WFDC10B: variants seen among roughly 807,000 people sequenced by gnomAD.
WFDC10B encodes the protein WAP four-disulfide core domain 10B.
Under a neutral mutation model 2.7 loss-of-function variants are expected in WFDC10B, and 1 was observed. The ratio of observed to expected loss-of-function variants is 0.38; its 90% CI spans 0.13 to 1.79. WFDC10B has a LOEUF of 1.79. Ranked by LOEUF, WFDC10B falls within the 40% of genes most tolerant of loss-of-function variation. The pLI is 0.33. For synonymous variants in WFDC10B, 26 were observed against 32.2 expected (o/e 0.81, Z 0.65); for missense variants, 71 against 87.8 (o/e 0.81, Z 0.76).
intron 2 of WFDC10B, among the ~76,000 whole-genome samples, chr20:45,694,082 G>T (rs1983907519): frequency 6.6e-6 from 1 of 152,204 alleles, no homozygotes; most frequent in Non-Finnish European, 1.5e-5. Context: ...TTTGTAGGTT[G>T]TCTGTTCACT....
At chr20:45,695,160 C>T (rs1983939794) in intron 2 of WFDC10B, among the ~76,000 whole-genome samples, 3 of 152,140 alleles carry the variant, frequency 2.0e-5, no homozygotes, top group Non-Finnish European at 1.5e-5. Context: ...GCCAGTAGAT[C>T]AAAAGTGCAG....
intron 2 of WFDC10B, among the ~76,000 whole-genome samples, chr20:45,690,301 CT>C (rs1165841878): frequency 6.6e-6 from 1 of 151,454 alleles, no homozygotes; most frequent in Non-Finnish European, 1.5e-5. Flanking sequence ...CTAAAATTCT[CT>C]TTTTTGGTTG....
At chr20:45,697,508 C>T (rs140589878) in intron 2 of WFDC10B, among the ~76,000 whole-genome samples, 1,516 of 151,118 alleles carry the variant, frequency 0.01, 26 homozygotes, top group African/African-American at 0.035. Context: ...CATGCCACTA[C>T]GCCCAGCTAA....
Position 45,704,486 on chromosome 20 carries a change from A to C in WFDC10B, c.-65+11T>G, listed in dbSNP as rs777570488. On this transcript the variant is annotated intron_variant, in intron 2 of 3. Coordinates refer to ENST00000330523, the MANE Select transcript of WFDC10B (RefSeq NM_172006.2). The stretch of plus-strand genomic sequence containing the variant: ...CCACCCTGCATATCAGCACCTGAAA[A>C]CTGTACTCACCTGTGTACAATGCAG... The C allele has an allele frequency of 5.0e-6, 8 of 1,614,036 alleles. No homozygotes were observed. The South Asian group carries it at 8.8e-5, about 18-fold the overall frequency.
chr20:45,690,028 T>C (rs866411408), intron 2 of WFDC10B, among the ~76,000 whole-genome samples: 3,401 of 152,168 alleles, frequency 0.022, 130 homozygotes, highest in African/African-American at 0.079. Flanking sequence ...CAATACCTAA[T>C]TTATTGAGAG....
At chr20:45,703,844 G>T (rs903779936) in intron 2 of WFDC10B, among the ~76,000 whole-genome samples, 4 of 152,144 alleles carry the variant, frequency 2.6e-5, no homozygotes, top group Non-Finnish European at 5.9e-5. Context: ...ATCTTTGAAC[G>T]CCATTCTGAA....
chr20:45,704,414 G>T (rs1329574108), intron 2 of WFDC10B, 83 bp downstream of exon 2: 6 of 1,598,210 alleles, frequency 3.8e-6, no homozygotes, highest in Middle Eastern at 1.8e-4. Context: ...CTGTTGGTGA[G>T]GCCCTTCTCT....
intron 2 of WFDC10B, among the ~76,000 whole-genome samples, chr20:45,696,338 T>C (rs531027330): frequency 2.2e-5 from 3 of 137,294 alleles, no homozygotes; most frequent in Non-Finnish European, 3.2e-5. Flanking sequence ...CTTTACATCA[T>C]ACGAAACTAG....
chr20:45,685,648 G>A (rs745945005), intron 3 of WFDC10B, among the ~76,000 whole-genome samples: 7 of 152,194 alleles, frequency 4.6e-5, no homozygotes, highest in Non-Finnish European at 8.8e-5. Flanking sequence ...ACTATGGGAT[G>A]TACCATTTGT....
chr20:45,690,506 C>T (rs1339213101), intron 2 of WFDC10B, among the ~76,000 whole-genome samples: 1 of 151,590 alleles, frequency 6.6e-6, no homozygotes, highest in Non-Finnish European at 1.5e-5. Context: ...TGATTATTGC[C>T]ACAATTTCAG....
intron 2 of WFDC10B, among the ~76,000 whole-genome samples, chr20:45,702,432 G>A (rs1241241531): frequency 6.6e-6 from 1 of 152,194 alleles, no homozygotes. Flanking sequence ...ATGAATACAG[G>A]AGGAGAACAG....
At position 45,689,112 on chromosome 20, in the gene WFDC10B, G is replaced by T. The variant is rs868321572; in HGVS notation, c.-64-3056C>A. Among the ~76,000 whole-genome samples, 1,325 of 147,368 alleles carry T rather than the reference G, an allele frequency of 9.0e-3. 14 individuals carry two copies. Among genetic ancestry groups the T allele is most frequent in the Middle Eastern group, 0.034 (10 of 292 alleles). On this transcript the variant is annotated intron_variant, in intron 2 of 3. Coordinates refer to ENST00000330523, the MANE Select transcript of WFDC10B (RefSeq NM_172006.2). ...TTAAATAGGGAATCCTTTCCCCATT[G>T]CTTGTTTTTCTCAGGTTTGTCAAAG...
intron 2 of WFDC10B, chr20:45,701,882 G>C: frequency 2.1e-6 from 1 of 473,072 alleles, no homozygotes; most frequent in Admixed American, 3.6e-5. Flanking sequence ...ACAGATGAAA[G>C]AGATAGCAAG....
At chr20:45,688,712 G>C (rs1194246827) in intron 2 of WFDC10B, among the ~76,000 whole-genome samples, 1 of 152,104 alleles carries the variant, frequency 6.6e-6, no homozygotes, top group African/African-American at 2.4e-5. Context: ...TTGTAAATTT[G>C]TTAGAGTTCA....
At chr20:45,702,219 C>A in intron 2 of WFDC10B, 1 of 1,609,818 alleles carries the variant, frequency 6.2e-7, no homozygotes. Flanking sequence ...TGAGTAGGTG[C>A]TGGATCTGGG....
chr20:45,697,655 A>G (rs530394910), intron 2 of WFDC10B, among the ~76,000 whole-genome samples: 1 of 150,798 alleles, frequency 6.6e-6, no homozygotes, highest in East Asian at 2.0e-4. Context: ...CCTAGCTGAC[A>G]TCCTATATTC....
rs762961131 is a variant in WFDC10B, at chr20:45,686,012, G to A, written c.-20C>T. On this transcript the variant is annotated 5_prime_UTR_variant, in exon 3 of 4. Coordinates refer to ENST00000330523, the MANE Select transcript of WFDC10B (RefSeq NM_172006.2). Reference sequence around the variant, plus strand: ...TGCCATAACTCTGACCAGAGCGTGAGCCCTAAGTCTGGCCAGGCAGTCACA... The same window carrying A: ...TGCCATAACTCTGACCAGAGCGTGAACCCTAAGTCTGGCCAGGCAGTCACA... The A allele has an allele frequency of 2.3e-5, 37 of 1,612,492 alleles. No individual in the cohort carries two copies. The highest frequency in any genetic ancestry group is 8.4e-5 in the Admixed American group (5 of 59,722).
At chr20:45,704,442 A>G (rs1376739759) in intron 2 of WFDC10B, 55 bp downstream of exon 2, 10 of 1,612,502 alleles carry the variant, frequency 6.2e-6, no homozygotes, top group African/African-American at 1.3e-5. Context: ...TCTGTGTTCC[A>G]GAGTATATCT....
intron 2 of WFDC10B, among the ~76,000 whole-genome samples, chr20:45,687,982 T>C (rs199689413): frequency 6.7e-6 from 1 of 149,512 alleles, no homozygotes; most frequent in Non-Finnish European, 1.5e-5. Flanking sequence ...CACTAACTCA[T>C]CATCTAGCAT....
Sources: allele counts gnomAD v4.1 joint callset (sites outside exome capture counted in the v4.1 genomes callset), GRCh38; gene constraint gnomAD v4.1.1; transcripts MANE v1.5; gene names NCBI Gene and HGNC (gene_info 2026-07-23, HGNC 2026-07-21).